ITGA7: variants seen among roughly 807,000 people sequenced by gnomAD.
ITGA7 encodes the protein integrin subunit alpha 7, also known as integrin alpha-7.
ITGA7 carries 84 observed loss-of-function variants against 131.6 expected under a neutral mutation model. The ratio of observed to expected loss-of-function variants is 0.64; its 90% CI spans 0.54 to 0.77. The LOEUF is 0.77. Among genes scored for constraint, ITGA7 ranks in the 30% least tolerant of loss-of-function variants. The probability of loss-of-function intolerance (pLI) is 0.00; values close to 1 mark genes in which losing one functional copy is unlikely to be tolerated. For synonymous variants in ITGA7, 548 were observed against 600.7 expected, an observed-to-expected ratio of 0.91 and a Z score of 1.28; for missense variants, 1,399 against 1,482.9, an observed-to-expected ratio of 0.94 and a Z score of 0.93.
intron 24 of ITGA7, among the ~76,000 whole-genome samples, chr12:55,687,017 T>C (rs1478351226): frequency 1.3e-5 from 2 of 152,046 alleles, no homozygotes; most frequent in African/African-American, 4.8e-5. Flanking sequence ...TGAGGACTGG[T>C]TCCAGTGCTA....
intron 1 of ITGA7, among the ~76,000 whole-genome samples, chr12:55,706,054 C>T (rs1240187526): frequency 2.0e-5 from 3 of 152,180 alleles, no homozygotes; most frequent in Non-Finnish European, 4.4e-5. Flanking sequence ...CAGCTTGGCT[C>T]TGGGAGACGG....
upstream of ITGA7, among the ~76,000 whole-genome samples, chr12:55,712,772 G>T (rs1363471741): frequency 1.3e-5 from 2 of 152,158 alleles, no homozygotes; most frequent in Non-Finnish European, 2.9e-5. Context: ...AGAACAGATG[G>T]AGGATAACCC....
chr12:55,697,754 A>T lies in ITGA7; in HGVS notation c.1350T>A (p.Asp450Glu). Reference protein sequence around the residue: ...GYSLSGSLDMDGNQYPDLLVG... With the variant: ...GYSLSGSLDMEGNQYPDLLVG... Reference sequence around the variant, plus strand: ...CCAGCAGGTCAGGGTATTGGTTCCCATCCATATCCAAGCTGCCTGACAGGG... The same window carrying T: ...CCAGCAGGTCAGGGTATTGGTTCCCTTCCATATCCAAGCTGCCTGACAGGG... The change falls in exon 9 of 25, where the codon GAT (aspartate) becomes GAA (glutamate). Residue 450 changes from aspartate to glutamate, a missense_variant. Transcript: ENST00000257879. The T allele has an allele frequency of 6.2e-7, 1 of 1,614,108 alleles. No homozygotes were observed. Among genetic ancestry groups the T allele is most frequent in the Non-Finnish European group, 8.5e-7 (1 of 1,179,992 alleles).
chr12:55,708,548 T>C (rs939283355), upstream of ITGA7, among the ~76,000 whole-genome samples: 2 of 146,914 alleles, frequency 1.4e-5, no homozygotes, highest in African/African-American at 5.1e-5. Context: ...AATGGAGAAA[T>C]GGAAAAAGGA....
intron 1 of ITGA7, among the ~76,000 whole-genome samples, chr12:55,703,633 G>A (rs1294366177): frequency 6.6e-6 from 1 of 152,006 alleles, no homozygotes; most frequent in Non-Finnish European, 1.5e-5. Flanking sequence ...AAGTAACAGG[G>A]CCCCAGACTG....
At position 55,707,233 on chromosome 12, in the gene ITGA7, CT is replaced by C. The variant is rs1220089590; in HGVS notation, c.206+243del. 2.0e-5 allele frequency among the ~76,000 whole-genome samples: 3 copies of C among 152,306 alleles called. No homozygotes were observed. The East Asian group carries it at 5.8e-4, about 29-fold the overall frequency. Reference sequence around the variant, plus strand: ...AGGCCCAGAAGAAGGAGATGGTTCGCTGCCAAGACAAGAACCTTGCTTTCCA... The same window carrying C: ...AGGCCCAGAAGAAGGAGATGGTTCGCGCCAAGACAAGAACCTTGCTTTCCA... On this transcript the variant is annotated intron_variant, in intron 1 of 24. Transcript: ENST00000257879.
chr12:55,700,138 A>C, intron 4 of ITGA7, 149 bp from the exon 5 acceptor site: 1 of 1,402,826 alleles, frequency 7.1e-7, no homozygotes, highest in Non-Finnish European at 9.8e-7. Context: ...AGCCAGAGAC[A>C]GAAAGACAGA....
chr12:55,697,058 A>G lies in ITGA7; in HGVS notation c.1578T>C (p.Tyr526=), dbSNP rs1402276907. ...TCCGGTCTGTGTCCGCATCTAACAC[A>G]TAGTCCAGGGCTGTGGCATGTTGGG... The part of the protein sequence containing the change: ...SSYSPTVALD[Y]VLDADTDRRL... Residue 526 remains tyrosine (Y), a synonymous_variant, in exon 12 of 25, where the codon TAT becomes TAC. Coordinates refer to ENST00000257879, the MANE Select transcript of ITGA7 (RefSeq NM_002206.3). The G allele has an allele frequency of 3.1e-6, 5 of 1,613,908 alleles. No homozygotes were observed. The highest frequency in any genetic ancestry group is 2.7e-5 in the African/African-American group (2 of 75,058).
intron 3 of ITGA7, among the ~76,000 whole-genome samples, chr12:55,702,274 G>A (rs10783770): frequency 0.51 from 76,903 of 151,342 alleles, 20,692 homozygotes; most frequent in East Asian, 0.93. Flanking sequence ...CCGCCTCTCC[G>A]GTTCACGCCA....
At chr12:55,716,094 C>A, upstream of ITGA7, 1 of 1,591,112 alleles carries the variant, frequency 6.3e-7, no homozygotes, top group Non-Finnish European at 8.6e-7. Flanking sequence ...CTTCCGGAGC[C>A]GGAGGGGGCC....
upstream of ITGA7, among the ~76,000 whole-genome samples, chr12:55,711,484 A>G (rs561133973): frequency 4.8e-3 from 736 of 152,006 alleles, 4 homozygotes; most frequent in African/African-American, 0.017. Context: ...CCTCAAAAAA[A>G]AAAAAAAATT....
Position 55,695,650 on chromosome 12 carries a change from A to G in ITGA7, c.1888-13T>C, listed in dbSNP as rs1261192187. ...TCAGGAAGTGGATCTGGGGAGAGAC[A>G]TGAGATAAGGGGCATTCCTAGGGGG... is the stretch of plus-strand genomic sequence containing the variant. On this transcript the variant is annotated splice_polypyrimidine_tract_variant and intron_variant, in intron 13 of 24. Coordinates refer to ENST00000257879, the MANE Select transcript of ITGA7 (RefSeq NM_002206.3). The G allele has an allele frequency of 1.3e-6, 2 of 1,595,774 alleles. No individual in the cohort carries two copies. Among genetic ancestry groups the G allele is most frequent in the Non-Finnish European group, 1.7e-6 (2 of 1,163,362 alleles).
At chr12:55,704,219 G>C (rs1874696861) in intron 1 of ITGA7, among the ~76,000 whole-genome samples, 1 of 152,184 alleles carries the variant, frequency 6.6e-6, no homozygotes, top group Admixed American at 6.5e-5. Context: ...TCCCTTCCTG[G>C]GGGGCAAGGC....
chr12:55,697,425 C>A (rs1565628065), intron 10 of ITGA7, 26 bp downstream of exon 10: 1 of 1,606,550 alleles, frequency 6.2e-7, no homozygotes. Context: ...CTGCCAGGGT[C>A]CAGGTGCCAC....
In ITGA7 at chr12:55,698,786, C is replaced by T. The variant is rs746101495; in HGVS notation, c.922G>A (p.Glu308Lys). 1.1e-5 allele frequency: 18 copies of T among 1,614,032 alleles called. No individual in the cohort carries two copies. The highest frequency in any genetic ancestry group is 1.6e-4 in the Middle Eastern group (1 of 6,084). ...RKDSASRLVP[E>K]VMLSGERLTS... ...AGGCGCTCCCCAGACAGCATAACCTCGGGCACCAGGCGACTGGCGCTGTCC... is the reference window on the plus strand; with the variant it reads ...AGGCGCTCCCCAGACAGCATAACCTTGGGCACCAGGCGACTGGCGCTGTCC... The change falls in exon 6 of 25, where the codon GAG becomes AAG. Residue 308 changes from glutamate to lysine, a missense_variant. Glu to Lys is a moderately conservative substitution (Grantham distance 56, BLOSUM62 1). Transcript: ENST00000257879.
chr12:55,694,684 G>A lies in ITGA7; in HGVS notation c.2208C>T (p.Leu736=), dbSNP rs1872241718. 1.2e-6 allele frequency: 2 copies of A among 1,614,048 alleles called. No homozygotes were observed. The highest frequency in any genetic ancestry group is 2.2e-5 in the South Asian group (2 of 91,086). ...VRALDPAEKP[L]CLSNENASHV... is the part of the protein sequence containing the mutation. ...GGGAGGCATTCTCATTGGACAGGCAGAGTGGCTTCTCCTGGAATGGGAGAG... is the reference window on the plus strand; with the variant it reads ...GGGAGGCATTCTCATTGGACAGGCAAAGTGGCTTCTCCTGGAATGGGAGAG... Residue 736 remains leucine (L), a synonymous_variant, in exon 16 of 25, where the codon CTC becomes CTT. Transcript: ENST00000257879. This position sits in a 1 kb window ranked among gnomAD's most constrained non-coding sequence, Gnocchi z 5.3.
At position 55,707,820 on chromosome 12, in the gene ITGA7, G is replaced by GGGCCA; in HGVS notation, c.-139_-138insTGGCC. ...CGTCTCCCAGACGTTCGCCCCGCCA[G>GGGCCA]CCCTCCCGCCCGCCCGCCGCTCCGC... On this transcript the variant is annotated 5_prime_UTR_variant, in exon 1 of 25. Coordinates refer to ENST00000257879, the MANE Select transcript of ITGA7 (RefSeq NM_002206.3). 1 of 1,455,778 alleles carries GGGCCA rather than the reference G, an allele frequency of 6.9e-7. No individual in the cohort carries two copies. Among genetic ancestry groups the GGGCCA allele is most frequent in the Non-Finnish European group, 9.1e-7 (1 of 1,102,490 alleles). The allele number at this position is 1,455,778 out of a possible 1,614,324, so 90.2% of individuals were successfully genotyped here. A position where few individuals can be genotyped will look rare whatever the true frequency, so the allele number is the denominator to read the frequency against.
At chr12:55,708,470 T>C (rs1212788861), upstream of ITGA7, among the ~76,000 whole-genome samples, 2 of 148,684 alleles carry the variant, frequency 1.3e-5, no homozygotes, top group African/African-American at 5.0e-5. Context: ...AGCCACATCG[T>C]CAGGATTCAA....
Position 55,707,408 on chromosome 12 carries a change from C to T in ITGA7, c.206+69G>A, listed in dbSNP as rs1875432134. The T allele has an allele frequency of 4.0e-6, 5 of 1,251,408 alleles. No individual in the cohort carries two copies. In the South Asian group the frequency reaches 6.0e-5, roughly 15 times the overall value. The allele number at this position is 1,251,408 out of a possible 1,614,324, so 77.5% of individuals were successfully genotyped here. Reference sequence around the variant, plus strand: ...GCTAGAAAACAGAGAAATGAGGAGGCCCACAGAGTGGGGAGGGGGACGATC... The same window carrying T: ...GCTAGAAAACAGAGAAATGAGGAGGTCCACAGAGTGGGGAGGGGGACGATC... On this transcript the variant is annotated intron_variant, in intron 1 of 24. Transcript: ENST00000257879.
Sources: allele counts gnomAD v4.1 joint callset (sites outside exome capture counted in the v4.1 genomes callset), GRCh38; gene constraint gnomAD v4.1.1; non-coding constraint Gnocchi (gnomAD v3.1); transcripts MANE v1.5; gene names NCBI Gene and HGNC (gene_info 2026-07-23, HGNC 2026-07-21).